Variants in SIK3 observed in about 807,000 individuals in gnomAD.
SIK3 encodes the protein serine/threonine-protein kinase SIK3.
SIK3 carries 28 observed loss-of-function variants against 144.2 expected under a neutral mutation model. That is an observed-to-expected ratio of 0.19 (90% CI 0.14 to 0.27). The LOEUF (loss-of-function observed/expected upper bound fraction) is 0.27. SIK3 is among the 10% of genes least tolerant of loss of function. The pLI is 1.00. For synonymous variants in SIK3, 686 were observed against 676.3 expected (o/e 1.01, Z -0.22); for missense variants, 1,319 against 1,776.0 (o/e 0.74, Z 4.62).
intron 19 of SIK3, among the ~76,000 whole-genome samples, chr11:116,860,946 T>C (rs1303742465): frequency 6.6e-6 from 1 of 152,218 alleles, no homozygotes; most frequent in Non-Finnish European, 1.5e-5. Flanking sequence ...CCTTCTGCCA[T>C]GGTTGTAAGT....
At chr11:116,878,374 T>G (rs1944368249) in intron 6 of SIK3, among the ~76,000 whole-genome samples, 1 of 146,422 alleles carries the variant, frequency 6.8e-6, no homozygotes. Context: ...CCTACTTCTC[T>G]CTCTCCCTTT....
chr11:116,992,971 T>C (rs1297310196), intron 1 of SIK3, among the ~76,000 whole-genome samples: 1 of 152,092 alleles, frequency 6.6e-6, no homozygotes, highest in Admixed American at 6.6e-5. Context: ...GGTGACAGAG[T>C]GAGATTCTGT....
chr11:116,858,688 T>C lies in SIK3; in HGVS notation c.2777A>G (p.Asn926Ser), dbSNP rs775006981. 64 of 1,536,036 alleles carry C rather than the reference T, an allele frequency of 4.2e-5. No homozygotes were observed. The highest frequency in any genetic ancestry group is 5.5e-5 in the Non-Finnish European group (63 of 1,140,956). ...GTCGTAGTTAGCAGGGGAGAACCGA[T>C]TCACGTTCAAGCTGCAGACACAAAA... The part of the protein sequence containing the change: ...DSAEAHSLNV[N>S]RFSPANYDQA... Residue 926 changes from asparagine (N) to serine (S), a missense_variant, in exon 21 of 25, where the codon AAT becomes AGT. Asn to Ser is a conservative substitution (Grantham distance 46). This residue lies in a region of SIK3 where 646 missense variants were observed against 763.7 expected (regional missense o/e 0.85). Transcript: ENST00000445177. The surrounding 1 kb of genome is among the most constrained non-coding windows in gnomAD (Gnocchi z 5.4).
At position 116,924,155 on chromosome 11, in the gene SIK3, G is replaced by T. The variant is rs568573059; in HGVS notation, c.616+3064C>A. 3.3e-5 allele frequency among the ~76,000 whole-genome samples: 5 copies of T among 152,024 alleles called. No individual in the cohort carries two copies. In the South Asian group the frequency reaches 8.3e-4, roughly 25 times the overall value. ...TAAAAATACAAAAAATTAGCAGAAC[G>T]TGGTGGCGCATGCCTGTAATCCCAG... On this transcript the variant is annotated intron_variant, in intron 4 of 24. Coordinates refer to ENST00000445177, the MANE Select transcript of SIK3 (RefSeq NM_001366686.3).
Position 116,896,331 on chromosome 11 carries a change from A to C in SIK3, c.787T>G (p.Phe263Val). The C allele has an allele frequency of 6.2e-7, 1 of 1,613,978 alleles. No homozygotes were observed. The highest frequency in any genetic ancestry group is 8.5e-7 in the Non-Finnish European group (1 of 1,179,908). ...LYVLVCGALPFDGSTLQNLRA... is the reference protein window; with the variant it reads ...LYVLVCGALPVDGSTLQNLRA... ...AGATTCTGCAGTGTGCTTCCATCAAATGGCAGGGCACCGCACACAAGCACG... is the reference window on the plus strand; with the variant it reads ...AGATTCTGCAGTGTGCTTCCATCAACTGGCAGGGCACCGCACACAAGCACG... Residue 263 changes from phenylalanine (F) to valine (V), a missense_variant, in exon 6 of 25, where the codon TTT becomes GTT. Physicochemically the swap from Phe to Val is conservative, Grantham distance 50 (BLOSUM62 -1). Around this residue, in one of 8 missense-constraint regions of SIK3, gnomAD observed 125 missense variants for 285.2 expected, o/e 0.44. Transcript: ENST00000445177.
chr11:116,949,986 G>C, intron 3 of SIK3: 1 of 400,818 alleles, frequency 2.5e-6, no homozygotes, highest in South Asian at 1.8e-5. Flanking sequence ...TCCCACTCTA[G>C]GAACTGAGAG....
intron 3 of SIK3, among the ~76,000 whole-genome samples, chr11:116,935,730 A>G (rs1036632543): frequency 1.3e-5 from 2 of 152,238 alleles, no homozygotes; most frequent in Admixed American, 1.3e-4. Flanking sequence ...CTCCAAGTCA[A>G]CAGAGGTACC....
At chr11:116,915,307 T>A (rs1452331074) in intron 4 of SIK3, among the ~76,000 whole-genome samples, 1 of 152,130 alleles carries the variant, frequency 6.6e-6, no homozygotes, top group Non-Finnish European at 1.5e-5. Flanking sequence ...CCACGGCACC[T>A]GGCTTTGGAA....
intron 1 of SIK3, among the ~76,000 whole-genome samples, chr11:117,091,055 T>C (rs1253944699): frequency 6.6e-6 from 1 of 152,110 alleles, no homozygotes; most frequent in African/African-American, 2.4e-5. Flanking sequence ...GGAGTAGTGA[T>C]AACTGGATTC....
chr11:116,928,434 C>T (rs549863592), intron 3 of SIK3, among the ~76,000 whole-genome samples: 3 of 152,254 alleles, frequency 2.0e-5, no homozygotes, highest in East Asian at 3.9e-4. Flanking sequence ...CCTAAGCATC[C>T]TGAGACAGTA....
intron 4 of SIK3, among the ~76,000 whole-genome samples, chr11:116,909,530 T>G (rs958065115): frequency 6.6e-6 from 1 of 152,214 alleles, no homozygotes; most frequent in Non-Finnish European, 1.5e-5. Flanking sequence ...TAAAGAAAAT[T>G]TATGTATAAA....
chr11:117,033,563 G>A (rs150817479), intron 1 of SIK3, among the ~76,000 whole-genome samples: 3,098 of 151,984 alleles, frequency 0.02, 47 homozygotes, highest in Non-Finnish European at 0.032. Flanking sequence ...AAAAAAATTA[G>A]CCAGGCGTCG....
chr11:116,907,089 A>G (rs1199946456), intron 4 of SIK3, among the ~76,000 whole-genome samples: 1 of 152,184 alleles, frequency 6.6e-6, no homozygotes, highest in Non-Finnish European at 1.5e-5. Context: ...TTGTTTTTCA[A>G]AGGACCTTCT....
intron 14 of SIK3, 108 bp from the exon 15 acceptor site, chr11:116,868,197 C>G: frequency 7.3e-7 from 1 of 1,377,868 alleles, no homozygotes; most frequent in Non-Finnish European, 1.0e-6. Flanking sequence ...AGTGCCAGAG[C>G]TCACGAAGGC....
At chr11:116,882,205 T>G (rs1408107190) in intron 6 of SIK3, among the ~76,000 whole-genome samples, 1 of 152,066 alleles carries the variant, frequency 6.6e-6, no homozygotes, top group African/African-American at 2.4e-5. Flanking sequence ...AGACGGCAAG[T>G]TGGATGGATT....
intron 1 of SIK3, among the ~76,000 whole-genome samples, chr11:117,010,190 G>A (rs1951200427): frequency 6.6e-6 from 1 of 152,020 alleles, no homozygotes; most frequent in Admixed American, 6.6e-5. Flanking sequence ...AGATGAGAGA[G>A]GGAAGGAAAG....
chr11:116,922,907 CTTTTT>C (rs202058609), intron 4 of SIK3, among the ~76,000 whole-genome samples: 52 of 102,176 alleles, frequency 5.1e-4, no homozygotes, highest in African/African-American at 1.6e-3. Context: ...TTTCTTTTCT[CTTTTT>C]TTTTTTTTTT....
At chr11:117,042,622 A>G (rs906947544) in intron 1 of SIK3, among the ~76,000 whole-genome samples, 2 of 152,242 alleles carry the variant, frequency 1.3e-5, no homozygotes, top group African/African-American at 2.4e-5. Context: ...GAATGTTTTC[A>G]GTAAGCATTT....
intron 1 of SIK3, among the ~76,000 whole-genome samples, chr11:117,007,961 A>G (rs1951111788): frequency 6.6e-6 from 1 of 151,564 alleles, no homozygotes; most frequent in South Asian, 2.1e-4. Flanking sequence ...ATGTAATCCC[A>G]GCTACTCAGG....
Sources: allele counts gnomAD v4.1 joint callset (sites outside exome capture counted in the v4.1 genomes callset), GRCh38; gene constraint gnomAD v4.1.1; regional missense constraint gnomAD v4.1.1; non-coding constraint Gnocchi (gnomAD v3.1); transcripts MANE v1.5; gene names NCBI Gene and HGNC (gene_info 2026-07-23, HGNC 2026-07-21).